The following RBFOX1 variants were observed in gnomAD, a reference collection of about 807,000 sequenced individuals.
The protein encoded by RBFOX1 is RNA binding fox-1 homolog 1, also known as RNA binding protein fox-1 homolog 1.
In RBFOX1, 8 loss-of-function variants were observed where a neutral mutation model predicts 57.7. The observed-to-expected ratio is 0.14, with a 90% CI of 0.08 to 0.25. The LOEUF (loss-of-function observed/expected upper bound fraction) is 0.25. RBFOX1 is among the 10% of genes least tolerant of loss of function. RBFOX1 has a pLI of 1.00. For synonymous variants in RBFOX1, 326 were observed against 222.4 expected (o/e 1.47, Z -4.15); for missense variants, 611 against 548.5 (o/e 1.11, Z -1.14).
intron 1 of RBFOX1, among the ~76,000 whole-genome samples, chr16:5,244,001 A>T (rs1353624607): frequency 6.6e-6 from 1 of 151,928 alleles, no homozygotes; most frequent in African/African-American, 2.4e-5. Context: ...GGCTCAAGTG[A>T]TTCTCCTGCC....
intron 1 of RBFOX1, among the ~76,000 whole-genome samples, chr16:6,152,147 C>T (rs2096801930): frequency 6.6e-6 from 1 of 152,132 alleles, no homozygotes; most frequent in Non-Finnish European, 1.5e-5. Context: ...CTAATAAAAT[C>T]CTGTGTCATA....
chr16:5,587,211 C>T (rs766298703), intron 2 of RBFOX1, among the ~76,000 whole-genome samples: 2 of 152,172 alleles, frequency 1.3e-5, no homozygotes, highest in Non-Finnish European at 2.9e-5. Flanking sequence ...AAGAGACTTA[C>T]ATCTAGAATA....
chr16:7,671,076 TGTTA>T (rs1224868691), intron 13 of RBFOX1, among the ~76,000 whole-genome samples: 1 of 152,236 alleles, frequency 6.6e-6, no homozygotes, highest in Non-Finnish European at 1.5e-5. Flanking sequence ...GCAATTTTGC[TGTTA>T]GTTGAAATTA....
chr16:6,466,113 C>G (rs1418957474), intron 2 of RBFOX1, among the ~76,000 whole-genome samples: 1 of 151,652 alleles, frequency 6.6e-6, no homozygotes. Flanking sequence ...CCTGTAATCC[C>G]AGCTACTTGG....
At chr16:5,432,628 C>T (rs2067787552) in intron 1 of RBFOX1, among the ~76,000 whole-genome samples, 1 of 128,240 alleles carries the variant, frequency 7.8e-6, no homozygotes, top group Non-Finnish European at 1.6e-5. Context: ...AAAAAAAAAT[C>T]ACTTCGCTTT....
At chr16:6,451,131 C>T (rs1479066269) in intron 2 of RBFOX1, among the ~76,000 whole-genome samples, 3 of 151,548 alleles carry the variant, frequency 2.0e-5, no homozygotes, top group Non-Finnish European at 4.4e-5. Context: ...CAATTCAACA[C>T]AGTATTCTTT....
intron 3 of RBFOX1, among the ~76,000 whole-genome samples, chr16:6,880,711 T>G (rs537338052): frequency 2.6e-5 from 4 of 152,212 alleles, no homozygotes; most frequent in Non-Finnish European, 5.9e-5. Context: ...CAGAGTCAGT[T>G]TGACTTCTTG....
intron 2 of RBFOX1, among the ~76,000 whole-genome samples, chr16:5,493,937 A>T (rs1002683980): frequency 6.6e-6 from 1 of 152,210 alleles, no homozygotes; most frequent in Non-Finnish European, 1.5e-5. Context: ...AGTGGAAAGG[A>T]AAAAACAAAA....
intron 2 of RBFOX1, among the ~76,000 whole-genome samples, chr16:5,501,285 T>C (rs79821389): frequency 0.01 from 1,251 of 119,812 alleles, 25 homozygotes; most frequent in African/African-American, 0.041. Flanking sequence ...TCCACTACAT[T>C]CCAGCCTGGA....
chr16:6,108,794 C>T (rs572376583), intron 1 of RBFOX1, among the ~76,000 whole-genome samples: 38 of 152,238 alleles, frequency 2.5e-4, no homozygotes, highest in East Asian at 3.9e-4. Flanking sequence ...TGACTCCTTC[C>T]AATCTATGTC....
intron 1 of RBFOX1, among the ~76,000 whole-genome samples, chr16:6,133,376 A>G (rs191192767): frequency 1.3e-5 from 2 of 152,334 alleles, no homozygotes; most frequent in African/African-American, 4.8e-5. Flanking sequence ...CCTATCAGGC[A>G]TGTGGCTGGC....
intron 4 of RBFOX1, among the ~76,000 whole-genome samples, chr16:7,468,678 C>T (rs776315089): frequency 1.3e-5 from 2 of 152,120 alleles, no homozygotes; most frequent in Non-Finnish European, 2.9e-5. Context: ...GCATAGGATG[C>T]TTTAAAGTCT....
At chr16:7,502,933 G>A (rs4787037) in intron 4 of RBFOX1, among the ~76,000 whole-genome samples, 1 of 152,258 alleles carries the variant, frequency 6.6e-6, no homozygotes, top group South Asian at 2.1e-4. Flanking sequence ...TGAGGCAGGA[G>A]AGTCGCTTGA....
chr16:6,367,119 G>C (rs1442941067), intron 2 of RBFOX1, among the ~76,000 whole-genome samples: 1 of 152,192 alleles, frequency 6.6e-6, no homozygotes, highest in African/African-American at 2.4e-5. Flanking sequence ...CTCGATGCAG[G>C]TGATAAAACT....
At chr16:6,466,446 GT>G in intron 2 of RBFOX1, among the ~76,000 whole-genome samples, 1 of 152,202 alleles carries the variant, frequency 6.6e-6, no homozygotes, top group East Asian at 1.9e-4. Context: ...CATTTTAGAG[GT>G]GAGGAAACAG....
At chr16:5,817,713 TTG>T (rs1416486356) in intron 3 of RBFOX1, among the ~76,000 whole-genome samples, 1 of 151,302 alleles carries the variant, frequency 6.6e-6, no homozygotes, top group Non-Finnish European at 1.5e-5. Context: ...TTTTTTTTTT[TTG>T]AGACGGAGTC....
chr16:7,326,332 G>T (rs2096611305), intron 4 of RBFOX1, among the ~76,000 whole-genome samples: 1 of 152,152 alleles, frequency 6.6e-6, no homozygotes, highest in Non-Finnish European at 1.5e-5. Flanking sequence ...TGGGATTGGA[G>T]CAGGAGGTAG....
rs190261560 is a variant in RBFOX1 at position 7,603,556 on chromosome 16, G to T, written c.623-3729G>T. On this transcript the variant is annotated intron_variant, in intron 9 of 15. Coordinates refer to ENST00000550418, the MANE Select transcript of RBFOX1 (RefSeq NM_018723.4). ...GTGGGAAAGTGACATTAACTGGCAT[G>T]TTCTGAAAAGACTCCAGAGCCCTAA... Among the ~76,000 whole-genome samples the T allele has an allele frequency of 2.2e-3, 333 of 152,284 alleles. 1 individual carries two copies. Among genetic ancestry groups the T allele is most frequent in the Admixed American group, 6.1e-3 (94 of 15,292 alleles).
Position 7,133,699 on chromosome 16 carries a change from T to C in RBFOX1, c.27+81601T>C, listed in dbSNP as rs562223724. 3.9e-5 allele frequency among the ~76,000 whole-genome samples: 6 copies of C among 152,320 alleles called. No homozygotes were observed. The South Asian group carries it at 1.2e-3, about 32-fold the overall frequency. On this transcript the variant is annotated intron_variant, in intron 4 of 15. Transcript: ENST00000550418. ...AAAAATTAATTGTTTATTTAATAAG[T>C]GGTATTTTTCTGAGTTCTGCTTATA... is the stretch of plus-strand genomic sequence containing the variant.
Sources: gnomAD v4.1 joint callset for allele counts (sites outside exome capture counted in the v4.1 genomes callset) on GRCh38, gnomAD v4.1.1 for gene constraint, MANE v1.5 for transcripts, NCBI Gene and HGNC (gene_info 2026-07-23, HGNC 2026-07-21) for gene names.